Variants in USP6NL observed in about 807,000 individuals in gnomAD.
USP6NL encodes the protein USP6 N-terminal like, also known as USP6 N-terminal-like protein.
Under a neutral mutation model 61.9 loss-of-function variants are expected in USP6NL, and 26 were observed. The ratio of observed to expected loss-of-function variants is 0.42; its 90% CI spans 0.31 to 0.58. USP6NL has a LOEUF of 0.58. Among genes scored for constraint, USP6NL ranks in the 20% least tolerant of loss-of-function variants. USP6NL has a pLI of 0.16. For synonymous variants in USP6NL, 432 were observed against 390.1 expected (o/e 1.11, Z -1.27); for missense variants, 1,114 against 1,034.3 (o/e 1.08, Z -1.06).
chr10:11,495,052 G>A lies in USP6NL; in HGVS notation c.385-1824C>T, dbSNP rs952665957. On this transcript the variant is annotated intron_variant, in intron 7 of 14. Coordinates refer to ENST00000609104, the MANE Select transcript of USP6NL (RefSeq NM_014688.5). This position sits in a 1 kb window ranked among gnomAD's most constrained non-coding sequence, Gnocchi z 4.6. ...GCCGGTGTTTTCCCTTGACACTTAC[G>A]CTACTGCTAGACCTCGGTCCGCCTG... Among the ~76,000 whole-genome samples, 12 of 152,158 alleles carry A rather than the reference G, an allele frequency of 7.9e-5. No individual in the cohort carries two copies. The highest frequency in any genetic ancestry group is 1.5e-4 in the Non-Finnish European group (10 of 68,018).
chr10:11,573,797 A>C (rs571302655), intron 2 of USP6NL: 8 of 395,910 alleles, frequency 2.0e-5, no homozygotes, highest in Non-Finnish European at 3.6e-5. Context: ...AACTTCAGAG[A>C]AATGAATGCT....
chr10:11,560,992 A>C (rs532159576), intron 2 of USP6NL, among the ~76,000 whole-genome samples: 46 of 152,196 alleles, frequency 3.0e-4, no homozygotes, highest in Non-Finnish European at 5.4e-4. Flanking sequence ...AGCTTAAAAA[A>C]ATGTATATGG....
rs530978937 is a variant in USP6NL at position 11,460,806 on chromosome 10, T to C, written c.*1635A>G. 3.3e-5 allele frequency: 5 copies of C among 152,504 alleles called. No homozygotes were observed. Among genetic ancestry groups the C allele is most frequent in the African/African-American group, 9.6e-5 (4 of 41,550 alleles). The allele number at this position is 152,504 out of a possible 1,614,324, so 9.4% of individuals were successfully genotyped here. A position where few individuals can be genotyped will look rare whatever the true frequency, so the allele number is the denominator to read the frequency against. ...TAATATCCTCAGCTACATATTTATA[T>C]ACATTTATTTCTCAGCTTCCACCTG... On this transcript the variant is annotated 3_prime_UTR_variant, in exon 15 of 15. Transcript: ENST00000609104.
chr10:11,607,219 T>A (rs886614548), intron 1 of USP6NL, among the ~76,000 whole-genome samples: 4 of 152,232 alleles, frequency 2.6e-5, no homozygotes, highest in African/African-American at 9.6e-5. Flanking sequence ...TTATAAATTT[T>A]AGCCTGCACA....
chr10:11,497,411 C>CA (rs11307707), intron 7 of USP6NL, among the ~76,000 whole-genome samples: 10,446 of 105,782 alleles, frequency 0.099, 535 homozygotes, highest in East Asian at 0.17. Context: ...GACTCAGTCT[C>CA]AAAAAAAAAA....
At position 11,528,076 on chromosome 10, in the gene USP6NL, C is replaced by T. The variant is rs1051382629; in HGVS notation, c.5-509G>A. Among the ~76,000 whole-genome samples, 6 of 151,704 alleles carry T rather than the reference C, an allele frequency of 4.0e-5. No homozygotes were observed. Among genetic ancestry groups the T allele is most frequent in the African/African-American group, 1.5e-4 (6 of 41,280 alleles). ...TCAACTGCTATAACAATCTCCTAAC[C>T]GGTCTCTAGGACTCCAGTTTTATCA... On this transcript the variant is annotated intron_variant, in intron 2 of 14. Coordinates refer to ENST00000609104, the MANE Select transcript of USP6NL (RefSeq NM_014688.5). The surrounding 1 kb of genome is among the most constrained non-coding windows in gnomAD (Gnocchi z 4.6).
chr10:11,550,087 A>G (rs1836428157), intron 2 of USP6NL, among the ~76,000 whole-genome samples: 1 of 152,254 alleles, frequency 6.6e-6, no homozygotes, highest in Non-Finnish European at 1.5e-5. Flanking sequence ...TGGTATCTAT[A>G]TCTATATTAA....
At position 11,489,655 on chromosome 10, in the gene USP6NL, T is replaced by C. The variant is rs141893380; in HGVS notation, c.544-433A>G. On this transcript the variant is annotated intron_variant, in intron 9 of 14. Transcript: ENST00000609104. This position sits in a 1 kb window ranked among gnomAD's most constrained non-coding sequence, Gnocchi z 5.7. ...CACATCTTGGGATGCCCATGCACAG[T>C]CTATGCCTCCTCTCTAAGAAATACC... Among the ~76,000 whole-genome samples, 4 of 152,318 alleles carry C rather than the reference T, an allele frequency of 2.6e-5. No homozygotes were observed. The highest frequency in any genetic ancestry group is 5.9e-5 in the Non-Finnish European group (4 of 68,028).
intron 2 of USP6NL, among the ~76,000 whole-genome samples, chr10:11,590,736 A>G (rs1050861703): frequency 6.6e-6 from 1 of 152,056 alleles, no homozygotes; most frequent in African/African-American, 2.4e-5. Flanking sequence ...CGAATATTTA[A>G]GAGGATTAAT....
intron 2 of USP6NL, 96 bp from the exon 3 acceptor site, chr10:11,527,663 T>A: frequency 9.1e-7 from 1 of 1,093,694 alleles, no homozygotes; most frequent in Non-Finnish European, 1.3e-6. Flanking sequence ...AAAAAATAAA[T>A]ACTGCCTAAA....
chr10:11,490,933 A>T lies in USP6NL; in HGVS notation c.495-53T>A. The T allele has an allele frequency of 6.9e-7, 1 of 1,453,292 alleles. No homozygotes were observed. The highest frequency in any genetic ancestry group is 9.2e-7 in the Non-Finnish European group (1 of 1,084,008). The allele number at this position is 1,453,292 out of a possible 1,614,324, so 90.0% of individuals were successfully genotyped here. A position where few individuals can be genotyped will look rare whatever the true frequency, so the allele number is the denominator to read the frequency against. Reference sequence around the variant, plus strand: ...AATTTAGTAATTTCACATATTTTAAAAATTACAAACTTAAAAAAATAAACC... The same window carrying T: ...AATTTAGTAATTTCACATATTTTAATAATTACAAACTTAAAAAAATAAACC... On this transcript the variant is annotated intron_variant, in intron 8 of 14. Transcript: ENST00000609104. This position sits in a 1 kb window ranked among gnomAD's most constrained non-coding sequence, Gnocchi z 4.5.
intron 5 of USP6NL, among the ~76,000 whole-genome samples, chr10:11,514,431 C>T (rs1352343929): frequency 6.6e-6 from 1 of 152,074 alleles, no homozygotes; most frequent in Non-Finnish European, 1.5e-5. Flanking sequence ...TCTAGCTCCT[C>T]CCCTTTCAAT....
rs1401099316 is a variant in USP6NL at position 11,485,721 on chromosome 10, A to C, written c.759+96T>G. The C allele has an allele frequency of 3.9e-6, 3 of 770,736 alleles. No homozygotes were observed. The highest frequency in any genetic ancestry group is 6.3e-6 in the Non-Finnish European group (3 of 479,656). 47.7% of individuals were successfully genotyped at this position (770,736 alleles called of 1,614,324 possible). ...TAGTAAATGAAATGGATGACACTAT[A>C]AATTAATAAGGTAATTGGACCAAAG... On this transcript the variant is annotated intron_variant, in intron 11 of 14. Transcript: ENST00000609104. This position sits in a 1 kb window ranked among gnomAD's most constrained non-coding sequence, Gnocchi z 4.8.
At chr10:11,506,826 C>A (rs1834462081) in intron 6 of USP6NL, among the ~76,000 whole-genome samples, 1 of 150,136 alleles carries the variant, frequency 6.7e-6, no homozygotes, top group Non-Finnish European at 1.5e-5. Context: ...TTTAGAATTT[C>A]TCTGTATTAC....
chr10:11,598,764 T>C lies in USP6NL; in HGVS notation c.-83-1047A>G, dbSNP rs958602702. The stretch of plus-strand genomic sequence containing the variant: ...TTTAGAATCAAAGTTAGGGAAATAC[T>C]TTTTGAAGAAATACTGCTTGCCACA... On this transcript the variant is annotated intron_variant, in intron 1 of 14. Coordinates refer to ENST00000609104, the MANE Select transcript of USP6NL (RefSeq NM_014688.5). This position sits in a 1 kb window ranked among gnomAD's most constrained non-coding sequence, Gnocchi z 4.7. 6.6e-5 allele frequency among the ~76,000 whole-genome samples: 10 copies of C among 152,254 alleles called. No homozygotes were observed. Among genetic ancestry groups the C allele is most frequent in the East Asian group, 1.9e-4 (1 of 5,208 alleles).
At chr10:11,609,299 T>C (rs1838804049) in intron 1 of USP6NL, among the ~76,000 whole-genome samples, 1 of 152,114 alleles carries the variant, frequency 6.6e-6, no homozygotes, top group Non-Finnish European at 1.5e-5. Context: ...ACCCCTGACC[T>C]CAAATGATTC....
chr10:11,590,481 T>C (rs973457658), intron 2 of USP6NL, among the ~76,000 whole-genome samples: 2 of 152,244 alleles, frequency 1.3e-5, no homozygotes, highest in African/African-American at 4.8e-5. Context: ...TGTGGAATTT[T>C]ATTCAGACCA....
intron 6 of USP6NL, among the ~76,000 whole-genome samples, chr10:11,502,512 G>T (rs1372374010): frequency 6.6e-6 from 1 of 152,120 alleles, no homozygotes; most frequent in Non-Finnish European, 1.5e-5. Flanking sequence ...AAGCCCTTCA[G>T]GTAAGAACTA....
rs962383127 is a variant in USP6NL, at chr10:11,611,101, C to T, written c.-84+342G>A. On this transcript the variant is annotated intron_variant, in intron 1 of 14. Coordinates refer to ENST00000609104, the MANE Select transcript of USP6NL (RefSeq NM_014688.5). This position sits in a 1 kb window ranked among gnomAD's most constrained non-coding sequence, Gnocchi z 5.3. ...TGGGGCTCGGGAGACGCGACCGAAA[C>T]TTGCGAGGGAGACGCGCCTGGCCGG... Among the ~76,000 whole-genome samples the T allele has an allele frequency of 6.6e-6, 1 of 152,142 alleles. No individual in the cohort carries two copies.
Sources: gnomAD v4.1 joint callset for allele counts (sites outside exome capture counted in the v4.1 genomes callset) on GRCh38, gnomAD v4.1.1 for gene constraint, Gnocchi (gnomAD v3.1) non-coding constraint, MANE v1.5 for transcripts, NCBI Gene and HGNC (gene_info 2026-07-23, HGNC 2026-07-21) for gene names.